CCSER1: variants seen among roughly 807,000 people sequenced by gnomAD.
CCSER1 encodes coiled-coil serine rich protein 1.
In CCSER1, 41 loss-of-function variants were observed where a neutral mutation model predicts 82.0. That is an observed-to-expected ratio of 0.50 (90% CI 0.39 to 0.65). The LOEUF (loss-of-function observed/expected upper bound fraction) is 0.65. Ranked by LOEUF, CCSER1 falls within the 30% of genes least tolerant of loss-of-function variation. The pLI, the probability that CCSER1 is intolerant of heterozygous loss-of-function variation, is 0.00. For synonymous variants in CCSER1, 414 were observed against 383.9 expected, an observed-to-expected ratio of 1.08 and a Z score of -0.92; for missense variants, 1,119 against 1,064.2, an observed-to-expected ratio of 1.05 and a Z score of -0.72.
At chr4:90,493,797 G>C (rs1050954038) in intron 5 of CCSER1, among the ~76,000 whole-genome samples, 6 of 152,082 alleles carry the variant, frequency 3.9e-5, no homozygotes, top group African/African-American at 1.4e-4. Context: ...ACCGGTACCA[G>C]CTACTGCAAA....
At chr4:91,440,559 A>G (rs1290691902) in intron 10 of CCSER1, among the ~76,000 whole-genome samples, 1 of 152,216 alleles carries the variant, frequency 6.6e-6, no homozygotes, top group African/African-American at 2.4e-5. Context: ...AATTAAAAGA[A>G]CTAGAGAAGC....
intron 10 of CCSER1, among the ~76,000 whole-genome samples, chr4:91,475,887 G>A (rs76395906): frequency 0.01 from 1,591 of 151,840 alleles, 13 homozygotes; most frequent in Middle Eastern, 0.02. Context: ...GAGTGAGAAT[G>A]TGTGATATTT....
chr4:90,565,948 C>T (rs958048950), intron 5 of CCSER1, among the ~76,000 whole-genome samples: 1 of 151,412 alleles, frequency 6.6e-6, no homozygotes, highest in African/African-American at 2.4e-5. Flanking sequence ...GCAGCCTCTG[C>T]CTCCCGGGTT....
chr4:90,970,902 A>G (rs1735039079), intron 9 of CCSER1, among the ~76,000 whole-genome samples: 1 of 152,000 alleles, frequency 6.6e-6, no homozygotes, highest in East Asian at 1.9e-4. Flanking sequence ...CATTTAGGAC[A>G]TGAATACAGT....
chr4:90,288,969 G>T (rs952203717), intron 1 of CCSER1, among the ~76,000 whole-genome samples: 1 of 151,874 alleles, frequency 6.6e-6, no homozygotes, highest in Non-Finnish European at 1.5e-5. Flanking sequence ...ATATTGGAAG[G>T]TGCAGTGCCC....
chr4:90,738,786 G>A (rs1215181895), intron 7 of CCSER1, among the ~76,000 whole-genome samples: 1 of 152,132 alleles, frequency 6.6e-6, no homozygotes, highest in Non-Finnish European at 1.5e-5. Context: ...CCTGGCTGCT[G>A]TCGATGTTCA....
rs555557483 is a variant in CCSER1 at position 91,437,170 on chromosome 4, T to G, written c.2218-161402T>G. On this transcript the variant is annotated intron_variant, in intron 10 of 10. Coordinates refer to ENST00000509176, the MANE Select transcript of CCSER1 (RefSeq NM_001145065.2). ...AAAATATGAGAAATAAATGTCAGAT[T>G]AACTGGGCCAAAAATAAAACTTGTA... Among the ~76,000 whole-genome samples, 285 of 152,262 alleles carry G rather than the reference T, an allele frequency of 1.9e-3. 1 individual carries two copies. The highest frequency in any genetic ancestry group is 6.6e-3 in the African/African-American group (274 of 41,548).
intron 7 of CCSER1, among the ~76,000 whole-genome samples, chr4:90,749,793 T>G (rs1333675373): frequency 1.3e-5 from 2 of 151,932 alleles, no homozygotes; most frequent in Non-Finnish European, 2.9e-5. Context: ...TTACAGTCCT[T>G]TGGGTATATA....
chr4:90,272,690 A>C (rs1399969125), intron 1 of CCSER1, among the ~76,000 whole-genome samples: 1 of 152,214 alleles, frequency 6.6e-6, no homozygotes, highest in African/African-American at 2.4e-5. Flanking sequence ...AGATAAAGAA[A>C]GTGTGGTACA....
At chr4:91,010,186 G>A (rs1561468315) in intron 9 of CCSER1, among the ~76,000 whole-genome samples, 1 of 151,682 alleles carries the variant, frequency 6.6e-6, no homozygotes, top group Non-Finnish European at 1.5e-5. Flanking sequence ...AAGTGGCAGG[G>A]TTTTTTTTGT....
rs187151367 is a variant in CCSER1 at position 90,247,791 on chromosome 4, A to G, written c.-41-60453A>G. Among the ~76,000 whole-genome samples the G allele has an allele frequency of 1.9e-3, 296 of 152,078 alleles. 2 individuals are homozygous for G. The highest frequency in any genetic ancestry group is 6.9e-3 in the African/African-American group (286 of 41,540). ...TTTTAATATATAGTCAGTTTTATAT[A>G]TATTATATATGAATTCCTCCTTTGC... On this transcript the variant is annotated intron_variant, in intron 1 of 10. Coordinates refer to ENST00000509176, the MANE Select transcript of CCSER1 (RefSeq NM_001145065.2).
chr4:90,257,644 A>G (rs1365689973), intron 1 of CCSER1, among the ~76,000 whole-genome samples: 1 of 152,166 alleles, frequency 6.6e-6, no homozygotes, highest in Non-Finnish European at 1.5e-5. Context: ...ACTTAAGTAA[A>G]TGTTTATTTA....
intron 10 of CCSER1, among the ~76,000 whole-genome samples, chr4:91,255,708 C>T (rs1740627292): frequency 6.6e-6 from 1 of 152,138 alleles, no homozygotes; most frequent in Admixed American, 6.5e-5. Context: ...TTTATAATTT[C>T]TTATGCCTGT....
intron 10 of CCSER1, among the ~76,000 whole-genome samples, chr4:91,296,479 A>ATTTATTTATT (rs1553921458): frequency 9.5e-6 from 1 of 105,636 alleles, no homozygotes; most frequent in African/African-American, 4.6e-5. Flanking sequence ...ATATATATAT[A>ATTTATTTATT]TATATATTTT....
chr4:90,796,539 T>G (rs1182659492), intron 7 of CCSER1, among the ~76,000 whole-genome samples: 1 of 152,002 alleles, frequency 6.6e-6, no homozygotes, highest in Non-Finnish European at 1.5e-5. Context: ...GTGATTTGTT[T>G]CCTCTTGATT....
intron 8 of CCSER1, among the ~76,000 whole-genome samples, chr4:90,882,335 A>T (rs1476983616): frequency 3.3e-5 from 5 of 152,078 alleles, no homozygotes; most frequent in African/African-American, 4.8e-5. Flanking sequence ...TATGCACAGC[A>T]TTGAGAAACC....
chr4:91,539,808 A>G (rs867355270), intron 10 of CCSER1, among the ~76,000 whole-genome samples: 1 of 152,140 alleles, frequency 6.6e-6, no homozygotes, highest in African/African-American at 2.4e-5. Context: ...TTAATTTCCA[A>G]CTTATTCATT....
At chr4:91,141,679 T>C (rs1426664941) in intron 10 of CCSER1, among the ~76,000 whole-genome samples, 2 of 152,134 alleles carry the variant, frequency 1.3e-5, no homozygotes, top group Admixed American at 6.6e-5. Flanking sequence ...GGTAGTTCTA[T>C]TTTTAGTTCT....
chr4:91,128,015 T>C (rs1231737610), intron 10 of CCSER1, among the ~76,000 whole-genome samples: 1 of 152,032 alleles, frequency 6.6e-6, no homozygotes, highest in East Asian at 1.9e-4. Context: ...CAGGGGAGTC[T>C]AAAGTGTTCA....
Sources: allele counts gnomAD v4.1 joint callset (sites outside exome capture counted in the v4.1 genomes callset), GRCh38; gene constraint gnomAD v4.1.1; transcripts MANE v1.5; gene names NCBI Gene and HGNC (gene_info 2026-07-23, HGNC 2026-07-21).